KDM4C: variants seen among roughly 807,000 people sequenced by gnomAD.
KDM4C encodes the protein lysine-specific demethylase 4C.
Under a neutral mutation model 129.3 loss-of-function variants are expected in KDM4C, and 81 were observed. The ratio of observed to expected loss-of-function variants is 0.63; its 90% CI spans 0.52 to 0.75. The LOEUF (loss-of-function observed/expected upper bound fraction) is 0.75. Among genes scored for constraint, KDM4C ranks in the 30% least tolerant of loss-of-function variants. The pLI, the probability that KDM4C is intolerant of heterozygous loss-of-function variation, is 0.00. For synonymous variants in KDM4C, 573 were observed against 456.1 expected (o/e 1.26, Z -3.26); for missense variants, 1,457 against 1,304.0 (o/e 1.12, Z -1.81).
intron 4 of KDM4C, among the ~76,000 whole-genome samples, chr9:6,820,914 C>T (rs979379597): frequency 3.3e-5 from 5 of 150,896 alleles, no homozygotes; most frequent in South Asian, 2.1e-4. Context: ...TGTTCCCTGC[C>T]CTGTGTCCAA....
At chr9:6,911,939 G>C (rs1463587644) in intron 8 of KDM4C, among the ~76,000 whole-genome samples, 1 of 152,142 alleles carries the variant, frequency 6.6e-6, no homozygotes, top group East Asian at 1.9e-4. Flanking sequence ...CTGCAGGGTT[G>C]CTCCCCTACT....
At chr9:6,851,035 G>A (rs1384281649) in intron 5 of KDM4C, among the ~76,000 whole-genome samples, 4 of 152,196 alleles carry the variant, frequency 2.6e-5, no homozygotes, top group Admixed American at 6.5e-5. Flanking sequence ...AATTACAGGC[G>A]TGAGCCACCA....
intron 12 of KDM4C, among the ~76,000 whole-genome samples, chr9:6,998,605 G>T (rs975566322): frequency 6.6e-6 from 1 of 152,158 alleles, no homozygotes; most frequent in Non-Finnish European, 1.5e-5. Flanking sequence ...AGACCAGCCT[G>T]GTTAACATCG....
chr9:7,169,201 T>C (rs1844707467), intron 20 of KDM4C, among the ~76,000 whole-genome samples: 1 of 152,268 alleles, frequency 6.6e-6, no homozygotes, highest in Admixed American at 6.5e-5. Context: ...TCTCATGTTT[T>C]GTGATTTCCA....
intron 19 of KDM4C, among the ~76,000 whole-genome samples, chr9:7,155,379 T>C (rs897169003): frequency 1.3e-5 from 2 of 152,178 alleles, no homozygotes; most frequent in African/African-American, 4.8e-5. Context: ...AAATTATACT[T>C]TAAGTTCTAG....
At chr9:6,793,382 A>C (rs1440404172) in intron 2 of KDM4C, among the ~76,000 whole-genome samples, 1 of 151,810 alleles carries the variant, frequency 6.6e-6, no homozygotes, top group Non-Finnish European at 1.5e-5. Flanking sequence ...AGGGTGGCTG[A>C]TGGAAACCAA....
intron 8 of KDM4C, among the ~76,000 whole-genome samples, chr9:6,934,853 T>C (rs78353200): frequency 0.043 from 6,501 of 152,054 alleles, 207 homozygotes; most frequent in East Asian, 0.15. Flanking sequence ...TGAGGCAAAG[T>C]TGTTAATATT....
intron 15 of KDM4C, among the ~76,000 whole-genome samples, chr9:7,016,933 A>G (rs1323345443): frequency 6.6e-6 from 1 of 152,020 alleles, no homozygotes; most frequent in Admixed American, 6.6e-5. Flanking sequence ...GTTCATATCC[A>G]GTGTTTATTT....
intron 17 of KDM4C, among the ~76,000 whole-genome samples, chr9:7,050,267 C>T (rs62534436): frequency 0.16 from 23,705 of 151,512 alleles, 2,501 homozygotes; most frequent in South Asian, 0.39. Context: ...GAGTGTTGGG[C>T]TTAGGATGCT....
intron 12 of KDM4C, among the ~76,000 whole-genome samples, chr9:7,006,002 A>G (rs768807118): frequency 6.6e-6 from 1 of 152,244 alleles, no homozygotes; most frequent in Non-Finnish European, 1.5e-5. Context: ...TTTACTTTAC[A>G]TAAAAGTCGT....
chr9:6,881,186 G>A (rs1844391526), intron 6 of KDM4C, among the ~76,000 whole-genome samples: 1 of 152,208 alleles, frequency 6.6e-6, no homozygotes. Flanking sequence ...AACAGAAACT[G>A]TTAATGGCAC....
intron 17 of KDM4C, among the ~76,000 whole-genome samples, chr9:7,072,648 G>C (rs758299658): frequency 6.6e-6 from 1 of 152,218 alleles, no homozygotes; most frequent in Non-Finnish European, 1.5e-5. Context: ...GGGGCACAAA[G>C]AATTTTTGTG....
chr9:6,774,440 G>A (rs1204541034), intron 1 of KDM4C, among the ~76,000 whole-genome samples: 1 of 152,122 alleles, frequency 6.6e-6, no homozygotes, highest in African/African-American at 2.4e-5. Flanking sequence ...CGAGGTGTGC[G>A]AATCACTTGA....
chr9:7,008,828 A>C (rs533216725), intron 12 of KDM4C, among the ~76,000 whole-genome samples: 143 of 152,338 alleles, frequency 9.4e-4, no homozygotes, highest in Middle Eastern at 3.4e-3. Context: ...TCCAGGAGCA[A>C]GCCTACCCTT....
intron 17 of KDM4C, among the ~76,000 whole-genome samples, chr9:7,069,833 C>T (rs1832952366): frequency 6.6e-6 from 1 of 152,076 alleles, no homozygotes; most frequent in Non-Finnish European, 1.5e-5. Context: ...AAGTGTGTGA[C>T]AATTACAATG....
At chr9:6,849,332 T>G (rs1838408273) in intron 4 of KDM4C, among the ~76,000 whole-genome samples, 175 bp from the exon 5 acceptor site, 1 of 152,272 alleles carries the variant, frequency 6.6e-6, no homozygotes, top group South Asian at 2.1e-4. Flanking sequence ...CTTTGACCAA[T>G]AATAATGGAC....
At chr9:7,153,404 T>C (rs909868393) in intron 19 of KDM4C, among the ~76,000 whole-genome samples, 90 of 152,302 alleles carry the variant, frequency 5.9e-4, no homozygotes, top group African/African-American at 1.9e-3. Flanking sequence ...GGTGACTTTA[T>C]TGTCTGGAAT....
chr9:6,723,883 G>T (rs995866771), intron 1 of KDM4C: 1 of 152,116 alleles, frequency 6.6e-6, no homozygotes, highest in Admixed American at 6.6e-5. Flanking sequence ...ATACCCAAAT[G>T]GTTGTAACTG....
chr9:7,084,817 C>T (rs1481843066), intron 17 of KDM4C, among the ~76,000 whole-genome samples: 2 of 152,178 alleles, frequency 1.3e-5, no homozygotes, highest in African/African-American at 2.4e-5. Context: ...GTTCCAGTTC[C>T]TGAGCAGTTC....
Sources: gnomAD v4.1 joint callset for allele counts (sites outside exome capture counted in the v4.1 genomes callset) on GRCh38, gnomAD v4.1.1 for gene constraint, MANE v1.5 for transcripts, NCBI Gene and HGNC (gene_info 2026-07-23, HGNC 2026-07-21) for gene names.